Variants in SGSM1 observed in about 807,000 individuals in gnomAD.
The protein encoded by SGSM1 is small G protein signaling modulator 1, also known as RUN and TBC1 domain containing 2.
Under a neutral mutation model 133.8 loss-of-function variants are expected in SGSM1, and 73 were observed. The ratio of observed to expected loss-of-function variants is 0.55; its 90% CI spans 0.45 to 0.66. The LOEUF (loss-of-function observed/expected upper bound fraction) is 0.66, where lower values mean the gene tolerates loss of function less well. Ranked by LOEUF, SGSM1 falls within the 30% of genes least tolerant of loss-of-function variation. The pLI is 0.00. For missense variants in SGSM1, 1,213 were observed against 1,448.1 expected (o/e 0.84, Z 2.64); for synonymous variants, 563 against 573.0 (o/e 0.98, Z 0.25).
intron 23 of SGSM1, among the ~76,000 whole-genome samples, chr22:24,918,234 G>A (rs1323674216): frequency 1.3e-5 from 2 of 152,164 alleles, no homozygotes; most frequent in African/African-American, 2.4e-5. Context: ...GCCGGGTGCA[G>A]TGGCTCATGC....
At position 24,924,923 on chromosome 22, in the gene SGSM1, AC is replaced by A. The variant is rs750587592; in HGVS notation, c.*650del. The A allele has an allele frequency of 1.3e-5, 2 of 152,444 alleles. No homozygotes were observed. The highest frequency in any genetic ancestry group is 2.9e-5 in the Non-Finnish European group (2 of 68,272). The allele number at this position is 152,444 out of a possible 1,614,324, so 9.4% of individuals were successfully genotyped here. A position where few individuals can be genotyped will look rare whatever the true frequency, so the allele number is the denominator to read the frequency against. ...TGACAGCCCCCAAAAATGTCTCTAG[AC>A]ATTGCGAAATGTTCCCTGCAGGGCA... On this transcript the variant is annotated 3_prime_UTR_variant, in exon 25 of 25. Transcript: ENST00000400358.
chr22:24,927,494 C>T lies in SGSM1; in HGVS notation c.*3220C>T, dbSNP rs903602245. 6.6e-6 allele frequency: 1 copy of T among 152,262 alleles called. No individual in the cohort carries two copies. Among genetic ancestry groups the T allele is most frequent in the Non-Finnish European group, 1.5e-5 (1 of 68,124 alleles). The allele number at this position is 152,262 out of a possible 1,614,324, so 9.4% of individuals were successfully genotyped here. A position where few individuals can be genotyped will look rare whatever the true frequency, so the allele number is the denominator to read the frequency against. On this transcript the variant is annotated 3_prime_UTR_variant, in exon 25 of 25. Coordinates refer to ENST00000400358, the MANE Select transcript of SGSM1 (RefSeq NM_001098497.3). ...AAGTGACACTGAAAAGGAGCATGGG[C>T]CAGGCACAGTGGCTTACCCCTGTAA...
At chr22:24,887,324 C>T (rs1186343444) in intron 16 of SGSM1, among the ~76,000 whole-genome samples, 1 of 152,110 alleles carries the variant, frequency 6.6e-6, no homozygotes, top group African/African-American at 2.4e-5. Flanking sequence ...ATAATTTTGT[C>T]ATCTCAAGAA....
At chr22:24,862,610 G>C (rs1378003540) in intron 9 of SGSM1, among the ~76,000 whole-genome samples, 6 of 152,198 alleles carry the variant, frequency 3.9e-5, no homozygotes, top group African/African-American at 1.4e-4. Flanking sequence ...TTCATTCACT[G>C]GATGTTTACT....
intron 12 of SGSM1, among the ~76,000 whole-genome samples, chr22:24,869,850 A>G (rs930631995): frequency 1.3e-5 from 2 of 152,216 alleles, no homozygotes; most frequent in African/African-American, 4.8e-5. Flanking sequence ...GCGCATCACC[A>G]TTGCAGGGCT....
At chr22:24,886,031 T>G (rs1932577383) in intron 15 of SGSM1, among the ~76,000 whole-genome samples, 1 of 152,156 alleles carries the variant, frequency 6.6e-6, no homozygotes, top group Non-Finnish European at 1.5e-5. Context: ...GTGTTGCCAA[T>G]TAGTATTCTA....
At chr22:24,842,913 T>G (rs1224909685) in intron 2 of SGSM1, among the ~76,000 whole-genome samples, 1 of 152,174 alleles carries the variant, frequency 6.6e-6, no homozygotes, top group Non-Finnish European at 1.5e-5. Flanking sequence ...CTGGTGCTAT[T>G]TCTATAAACT....
chr22:24,833,834 G>C (rs184545198), intron 2 of SGSM1, among the ~76,000 whole-genome samples: 1 of 152,340 alleles, frequency 6.6e-6, no homozygotes, highest in Non-Finnish European at 1.5e-5. Context: ...GCACATCTTT[G>C]AGGCCAGAGG....
intron 2 of SGSM1, 196 bp from the exon 3 acceptor site, chr22:24,844,701 A>G (rs1929992234): frequency 1.4e-5 from 8 of 563,592 alleles, no homozygotes; most frequent in South Asian, 2.3e-5. Context: ...AATTGATAAA[A>G]TGAGAAGCAT....
chr22:24,813,062 G>C (rs574456863), intron 2 of SGSM1, among the ~76,000 whole-genome samples: 150 of 152,274 alleles, frequency 9.9e-4, no homozygotes, highest in Non-Finnish European at 2.0e-3. Flanking sequence ...CCTCACTGAT[G>C]GGATGGTGTT....
At chr22:24,907,300 TA>T (rs1290703894) in intron 21 of SGSM1, among the ~76,000 whole-genome samples, 1 of 138,042 alleles carries the variant, frequency 7.2e-6, no homozygotes, top group African/African-American at 2.9e-5. Context: ...AATAAATAAA[TA>T]AATAAAAGAA....
Position 24,905,016 on chromosome 22 carries a change from T to C in SGSM1, c.2736-89T>C, listed in dbSNP as rs1049011501. 2.5e-5 allele frequency: 26 copies of C among 1,037,596 alleles called. No individual in the cohort carries two copies. In the East Asian group the frequency reaches 3.6e-4, roughly 14 times the overall value. The allele number at this position is 1,037,596 out of a possible 1,614,324, so 64.3% of individuals were successfully genotyped here. On this transcript the variant is annotated intron_variant, in intron 20 of 24. Transcript: ENST00000400358. Reference sequence around the variant, plus strand: ...CTGAGGGAGGGGTCCAGGTGAGGGATTGGGGACCGAAGCAGGAGGAACAGA... The same window carrying C: ...CTGAGGGAGGGGTCCAGGTGAGGGACTGGGGACCGAAGCAGGAGGAACAGA...
At chr22:24,896,828 C>T (rs1932927293) in intron 18 of SGSM1, among the ~76,000 whole-genome samples, 1 of 150,828 alleles carries the variant, frequency 6.6e-6, no homozygotes, top group Admixed American at 6.6e-5. Context: ...AATACAAAAA[C>T]TAGCTGGGCA....
rs1046984325 is a variant in SGSM1 at position 24,845,095 on chromosome 22, G to A, written c.139+123G>A. The A allele has an allele frequency of 1.2e-4, 98 of 840,264 alleles. 1 individual carries two copies. The highest frequency in any genetic ancestry group is 9.3e-4 in the South Asian group (56 of 60,432). 52.1% of individuals were successfully genotyped at this position (840,264 alleles called of 1,614,324 possible). A position where few individuals can be genotyped will look rare whatever the true frequency, so the allele number is the denominator to read the frequency against. ...AGTTTTGGATTCCAGAGGGGGACTC[G>A]ATTGGAGAATTTGAAAATACAGAAC... On this transcript the variant is annotated intron_variant, in intron 3 of 24. Coordinates refer to ENST00000400358, the MANE Select transcript of SGSM1 (RefSeq NM_001098497.3).
intron 13 of SGSM1, among the ~76,000 whole-genome samples, chr22:24,878,586 C>G (rs576110064): frequency 6.6e-6 from 1 of 152,202 alleles, no homozygotes; most frequent in Non-Finnish European, 1.5e-5. Context: ...GTCCTGAGAA[C>G]AAATATGCAG....
chr22:24,811,894 A>G (rs974105958), intron 2 of SGSM1, among the ~76,000 whole-genome samples: 2 of 149,228 alleles, frequency 1.3e-5, no homozygotes, highest in African/African-American at 5.0e-5. Context: ...AATTATGACC[A>G]GGCATGGTGG....
rs1934124879 is a variant in SGSM1 at position 24,924,487 on chromosome 22, T to G, written c.*213T>G. ...TCAATTCAGCCTTACATTTTCCTGTTTGACCAAAGATTGCCCAAGTCTGGC... is the reference window on the plus strand; with the variant it reads ...TCAATTCAGCCTTACATTTTCCTGTGTGACCAAAGATTGCCCAAGTCTGGC... On this transcript the variant is annotated 3_prime_UTR_variant, in exon 25 of 25. Coordinates refer to ENST00000400358, the MANE Select transcript of SGSM1 (RefSeq NM_001098497.3). 1 of 551,332 alleles carries G rather than the reference T, an allele frequency of 1.8e-6. No individual in the cohort carries two copies. Among genetic ancestry groups the G allele is most frequent in the Admixed American group, 3.1e-5 (1 of 31,960 alleles). The allele number at this position is 551,332 out of a possible 1,614,324, so 34.2% of individuals were successfully genotyped here. A position where few individuals can be genotyped will look rare whatever the true frequency, so the allele number is the denominator to read the frequency against.
In SGSM1 at chr22:24,847,711, C is replaced by G. The variant is rs1930228330; in HGVS notation, c.217C>G (p.Leu73Val). ...GFLRSNKIAA[L>V]FMKVGKNFPP... is the part of the protein sequence containing the mutation. ...CCTACGCAGCAATAAGATTGCAGCC[C>G]TCTTTATGAAAGTGGGCAAGAACTT... The change falls in exon 4 of 25, where the codon CTC becomes GTC. Residue 73 changes from leucine (L) to valine (V), a missense_variant. Leu to Val is a conservative substitution (Grantham distance 32). Transcript: ENST00000400358. 1 of 1,613,800 alleles carries G rather than the reference C, an allele frequency of 6.2e-7. No individual in the cohort carries two copies. The highest frequency in any genetic ancestry group is 8.5e-7 in the Non-Finnish European group (1 of 1,179,898).
At chr22:24,899,195 T>G (rs1412406144) in intron 19 of SGSM1, among the ~76,000 whole-genome samples, 1 of 152,144 alleles carries the variant, frequency 6.6e-6, no homozygotes, top group African/African-American at 2.4e-5. Context: ...TGTGTTTTCC[T>G]TTTCCTGTTT....
Sources: gnomAD v4.1 joint callset for allele counts (sites outside exome capture counted in the v4.1 genomes callset) on GRCh38, gnomAD v4.1.1 for gene constraint, MANE v1.5 for transcripts, NCBI Gene and HGNC (gene_info 2026-07-23, HGNC 2026-07-21) for gene names.